TMEM232: variants seen among roughly 807,000 people sequenced by gnomAD.
TMEM232 encodes transmembrane protein 232.
In TMEM232, 80 loss-of-function variants were observed where a neutral mutation model predicts 78.8. That is an observed-to-expected ratio of 1.01 (90% CI 0.85 to 1.22). TMEM232 has a LOEUF of 1.22. Among genes scored for constraint, TMEM232 ranks in the 50% most tolerant of loss-of-function variants. The pLI is 0.00. For synonymous variants in TMEM232, 297 were observed against 254.3 expected, an observed-to-expected ratio of 1.17 and a Z score of -1.60; for missense variants, 881 against 742.2, an observed-to-expected ratio of 1.19 and a Z score of -2.17.
chr5:110,468,110 AAGAT>A (rs902620674), intron 12 of TMEM232, among the ~76,000 whole-genome samples: 9 of 152,178 alleles, frequency 5.9e-5, no homozygotes, highest in East Asian at 1.9e-4. Flanking sequence ...AAGAAAAAAA[AAGAT>A]AGATACATTA....
chr5:110,702,357 C>A (rs751065113), intron 1 of TMEM232, among the ~76,000 whole-genome samples: 3 of 151,894 alleles, frequency 2.0e-5, no homozygotes, highest in Non-Finnish European at 2.9e-5. Flanking sequence ...GTAGCATACC[C>A]CCTTGTCTGA....
intron 12 of TMEM232, among the ~76,000 whole-genome samples, chr5:110,518,659 T>G (rs1408988613): frequency 1.3e-5 from 2 of 152,208 alleles, no homozygotes; most frequent in African/African-American, 2.4e-5. Context: ...CAAGCATTTT[T>G]CTGTTGACCA....
At chr5:110,598,562 G>A (rs1037565719) in intron 10 of TMEM232, among the ~76,000 whole-genome samples, 25 of 151,928 alleles carry the variant, frequency 1.6e-4, no homozygotes, top group African/African-American at 5.8e-4. Context: ...ATATGCACAC[G>A]TATGTTTATT....
chr5:110,446,165 A>T (rs1759626293), intron 12 of TMEM232, among the ~76,000 whole-genome samples: 1 of 152,052 alleles, frequency 6.6e-6, no homozygotes, highest in Non-Finnish European at 1.5e-5. Flanking sequence ...CCTGCCTGGG[A>T]TGTGTCACTG....
chr5:110,694,473 A>G (rs1794521806), intron 1 of TMEM232, among the ~76,000 whole-genome samples: 1 of 152,210 alleles, frequency 6.6e-6, no homozygotes, highest in Non-Finnish European at 1.5e-5. Context: ...TTAAATGGAA[A>G]TGGGCTAAAT....
At chr5:110,458,020 T>A (rs1198952332) in intron 12 of TMEM232, among the ~76,000 whole-genome samples, 2 of 152,140 alleles carry the variant, frequency 1.3e-5, no homozygotes, top group Non-Finnish European at 2.9e-5. Context: ...ATATTTAAGA[T>A]CCTATGCACA....
chr5:110,570,273 T>A (rs996829753), intron 10 of TMEM232, among the ~76,000 whole-genome samples: 5 of 152,008 alleles, frequency 3.3e-5, no homozygotes, highest in Admixed American at 6.6e-5. Flanking sequence ...GTTTTTTGAA[T>A]GAATGGCATT....
intron 10 of TMEM232, among the ~76,000 whole-genome samples, chr5:110,584,843 T>C (rs998173600): frequency 3.3e-5 from 5 of 152,122 alleles, no homozygotes; most frequent in Admixed American, 6.6e-5. Context: ...TATATCACCA[T>C]AATTAATTAA....
intron 12 of TMEM232, among the ~76,000 whole-genome samples, chr5:110,524,755 T>C (rs1429843325): frequency 1.3e-5 from 2 of 152,180 alleles, no homozygotes; most frequent in Non-Finnish European, 2.9e-5. Context: ...ATTGATATCT[T>C]CTATTATTTT....
intron 11 of TMEM232, among the ~76,000 whole-genome samples, chr5:110,529,278 C>G (rs1474220998): frequency 6.6e-6 from 1 of 151,468 alleles, no homozygotes; most frequent in African/African-American, 2.4e-5. Flanking sequence ...AAGAGTCTTG[C>G]TGTGTCTCCC....
At position 110,424,899 on chromosome 5, in the gene TMEM232, G is replaced by A. The variant is rs751610007; in HGVS notation, c.1721C>T (p.Ser574Leu). The change falls in exon 13 of 14, where the codon TCA becomes TTA. Residue 574 changes from serine to leucine, a missense_variant. Ser to Leu is a moderately radical substitution (Grantham distance 145). Coordinates refer to ENST00000455884, the MANE Select transcript of TMEM232 (RefSeq NM_001039763.4). The part of the protein sequence containing the change: ...HFTVREHPSV[S>L]EIPMFPYPDF... ...TGGATATGGAAACATGGGAATTTCT[G>A]ATACAGAAGGATGTTCCCTTCAAAA... 3.2e-6 allele frequency: 5 copies of A among 1,550,028 alleles called. No individual in the cohort carries two copies. Among genetic ancestry groups the A allele is most frequent in the South Asian group, 1.2e-5 (1 of 83,904 alleles).
At chr5:110,511,048 T>C (rs1191424610) in intron 12 of TMEM232, among the ~76,000 whole-genome samples, 1 of 152,194 alleles carries the variant, frequency 6.6e-6, no homozygotes, top group Non-Finnish European at 1.5e-5. Flanking sequence ...ACAACCCAAA[T>C]GCCCATCAAT....
chr5:110,450,714 A>AC (rs935774398), intron 12 of TMEM232, among the ~76,000 whole-genome samples: 1 of 152,134 alleles, frequency 6.6e-6, no homozygotes, highest in Non-Finnish European at 1.5e-5. Context: ...TCCTGGATGT[A>AC]CCCACCCCCA....
upstream of TMEM232, among the ~76,000 whole-genome samples, chr5:110,729,749 G>T (rs550941298): frequency 5.3e-5 from 8 of 152,124 alleles, no homozygotes; most frequent in Non-Finnish European, 1.2e-4. Flanking sequence ...CTGCTTCTTG[G>T]TCCTCTAGAA....
chr5:110,424,613 C>A (rs1049092630), intron 13 of TMEM232, among the ~76,000 whole-genome samples: 4 of 152,128 alleles, frequency 2.6e-5, no homozygotes, highest in Admixed American at 2.0e-4. Context: ...TAGTATTTTA[C>A]AAATGACAGA....
At chr5:110,496,924 C>CT (rs1264795638) in intron 12 of TMEM232, among the ~76,000 whole-genome samples, 3 of 151,930 alleles carry the variant, frequency 2.0e-5, no homozygotes, top group Non-Finnish European at 4.4e-5. Flanking sequence ...TGAAAAAGTA[C>CT]TTTTTCTTAA....
intron 12 of TMEM232, among the ~76,000 whole-genome samples, chr5:110,526,280 A>T (rs530833398): frequency 6.6e-6 from 1 of 151,798 alleles, no homozygotes; most frequent in Non-Finnish European, 1.5e-5. Context: ...ATTAAAAAAA[A>T]AAGATGAGAA....
chr5:110,561,399 G>GTATATA (rs567759693), intron 11 of TMEM232, among the ~76,000 whole-genome samples: 1 of 150,558 alleles, frequency 6.6e-6, no homozygotes, highest in Non-Finnish European at 1.5e-5. Flanking sequence ...ATATGTGTGG[G>GTATATA]TATATATATA....
chr5:110,566,693 G>C (rs1017103883), intron 11 of TMEM232, among the ~76,000 whole-genome samples: 5 of 151,858 alleles, frequency 3.3e-5, no homozygotes, highest in Non-Finnish European at 7.4e-5. Context: ...CACATCTCTA[G>C]AAGTTCCAAA....
Sources: allele counts gnomAD v4.1 joint callset (sites outside exome capture counted in the v4.1 genomes callset), GRCh38; gene constraint gnomAD v4.1.1; transcripts MANE v1.5; gene names NCBI Gene and HGNC (gene_info 2026-07-23, HGNC 2026-07-21).